The following NLRP14 variants were observed in gnomAD, a reference collection of about 807,000 sequenced individuals.
The protein encoded by NLRP14 is NACHT, LRR and PYD domains-containing protein 14.
NLRP14 carries 105 observed loss-of-function variants against 94.7 expected under a neutral mutation model. That is an observed-to-expected ratio of 1.11 (90% confidence interval 0.95 to 1.30). NLRP14 has a LOEUF of 1.30. Among genes scored for constraint, NLRP14 ranks in the 50% most tolerant of loss-of-function variants. NLRP14 has a pLI of 0.00. For synonymous variants in NLRP14, 508 were observed against 459.9 expected (o/e 1.10, Z -1.34); for missense variants, 1,362 against 1,254.1 (o/e 1.09, Z -1.30).
chr11:7,051,277 C>T (rs1025090105), intron 6 of NLRP14, among the ~76,000 whole-genome samples: 1 of 152,204 alleles, frequency 6.6e-6, no homozygotes, highest in East Asian at 1.9e-4. Context: ...GAGGAGCAAT[C>T]AATGGTCCTA....
Position 7,046,792 on chromosome 11 carries a change from C to A in NLRP14, c.2083C>A (p.His695Asn), listed in dbSNP as rs540063752. 1.9e-6 allele frequency: 3 copies of A among 1,613,716 alleles called. No individual in the cohort carries two copies. The highest frequency in any genetic ancestry group is 2.7e-5 in the African/African-American group (2 of 75,044). ...LDKSAMNILH[H>N]ELRHPNCKLQ... ...TAAATCAGCAATGAATATCCTGCAT[C>A]ATGAACTAAGGCACCCAAACTGTAA... is the stretch of plus-strand genomic sequence containing the variant. Residue 695 changes from histidine to asparagine, a missense_variant, in exon 5 of 12, where the codon CAT becomes AAT. Coordinates refer to ENST00000299481, the MANE Select transcript of NLRP14 (RefSeq NM_176822.4).
downstream of NLRP14, among the ~76,000 whole-genome samples, chr11:7,071,714 G>A (rs748004200): frequency 2.0e-5 from 3 of 150,370 alleles, no homozygotes; most frequent in South Asian, 2.1e-4. Context: ...CTCCATATGT[G>A]TTCTTGGGAT....
chr11:7,086,516 T>C, the NLRP14 span, among the ~76,000 whole-genome samples: 5 of 152,252 alleles, frequency 3.3e-5, no homozygotes, highest in Non-Finnish European at 7.3e-5. Context: ...GCAAATATAA[T>C]TAATATTGCT....
rs1852541052 is a variant in NLRP14 at position 7,057,829 on chromosome 11, G to A, written c.2444G>A (p.Cys815Tyr). Reference sequence around the variant, plus strand: ...TGTGAGGCCTTAAGACATCCAAAGTGTTATCTAGAGAGACTGTCGTGAGTG... The same window carrying A: ...TGTGAGGCCTTAAGACATCCAAAGTATTATCTAGAGAGACTGTCGTGAGTG... ...LLCEALRHPKCYLERLSLESC... is the reference protein window; with the variant it reads ...LLCEALRHPKYYLERLSLESC... Residue 815 changes from cysteine to tyrosine, a missense_variant, in exon 7 of 12, where the codon TGT (cysteine) becomes TAT (tyrosine). Transcript: ENST00000299481. 1.2e-6 allele frequency: 2 copies of A among 1,612,084 alleles called. No homozygotes were observed. The highest frequency in any genetic ancestry group is 1.7e-5 in the Admixed American group (1 of 59,914).
the NLRP14 span, chr11:7,089,381 G>A: frequency 5.0e-6 from 8 of 1,603,228 alleles, no homozygotes; most frequent in South Asian, 1.1e-5. Context: ...CCACCAAACC[G>A]GCGTTCGAGA....
In NLRP14 at chr11:7,021,372, C is replaced by T. The variant is rs557087214; in HGVS notation, c.-22+602C>T. ...TTAGCAGGGGTGGGTGGCCCAGCGC[C>T]TATCTGCTTGAGTTCACCACACAAT... On this transcript the variant is annotated intron_variant, in intron 1 of 11. Coordinates refer to ENST00000299481, the MANE Select transcript of NLRP14 (RefSeq NM_176822.4). 5.3e-5 allele frequency among the ~76,000 whole-genome samples: 8 copies of T among 152,298 alleles called. No homozygotes were observed. The East Asian group carries it at 1.5e-3, about 29-fold the overall frequency.
chr11:7,027,666 C>A (rs544672292), intron 1 of NLRP14, among the ~76,000 whole-genome samples: 1 of 152,232 alleles, frequency 6.6e-6, no homozygotes, highest in South Asian at 2.1e-4. Flanking sequence ...AGTCCATTGT[C>A]TTCAATTTTT....
chr11:7,088,378 C>A, the NLRP14 span, among the ~76,000 whole-genome samples: 1 of 152,120 alleles, frequency 6.6e-6, no homozygotes, highest in Non-Finnish European at 1.5e-5. Context: ...TATTACAGCT[C>A]AAGGCATGAT....
chr11:7,070,606 A>C, intron 11 of NLRP14, 150 bp downstream of exon 11: 1 of 619,166 alleles, frequency 1.6e-6, no homozygotes, highest in Non-Finnish European at 2.9e-6. Context: ...AGAACACTGA[A>C]TATTGAGAGA....
At chr11:7,044,041 T>A in intron 4 of NLRP14, 57 bp downstream of exon 4, 1 of 1,549,690 alleles carries the variant, frequency 6.5e-7, no homozygotes, top group African/African-American at 1.4e-5. Flanking sequence ...ACGTAGATAT[T>A]TGTCAGAGGG....
intron 1 of NLRP14, among the ~76,000 whole-genome samples, chr11:7,036,906 G>A (rs1254827493): frequency 4.6e-5 from 7 of 152,144 alleles, no homozygotes. Flanking sequence ...AGAAGTTGAA[G>A]ATCAAGAAGA....
At chr11:7,071,059 C>T in intron 11 of NLRP14, 114 bp from the exon 12 acceptor site, 1 of 1,152,554 alleles carries the variant, frequency 8.7e-7, no homozygotes, top group East Asian at 2.4e-5. Flanking sequence ...ATAATATTAT[C>T]TCTCTATTTT....
rs1267286085 is a variant in NLRP14 at position 7,042,816 on chromosome 11, C to T, written c.790C>T (p.Leu264=). 2 of 1,614,180 alleles carry T rather than the reference C, an allele frequency of 1.2e-6. No homozygotes were observed. Among genetic ancestry groups the T allele is most frequent in the Non-Finnish European group, 1.7e-6 (2 of 1,180,032 alleles). ...LLFIIDSFDE[L]NFAFEEPEFA... The stretch of plus-strand genomic sequence containing the variant: ...GTTTATTATTGACAGTTTCGATGAA[C>T]TGAACTTTGCCTTTGAAGAACCTGA... Residue 264 remains leucine (L), a synonymous_variant, in exon 4 of 12, where the codon CTG becomes TTG. Coordinates refer to ENST00000299481, the MANE Select transcript of NLRP14 (RefSeq NM_176822.4).
At chr11:7,075,056 A>G (rs1406185320), downstream of NLRP14, among the ~76,000 whole-genome samples, 1 of 152,144 alleles carries the variant, frequency 6.6e-6, no homozygotes. Context: ...GTTTCTGTTT[A>G]GCCTGTAGGG....
chr11:7,066,263 A>G (rs1237973600), intron 10 of NLRP14, among the ~76,000 whole-genome samples: 1 of 152,232 alleles, frequency 6.6e-6, no homozygotes, highest in Non-Finnish European at 1.5e-5. Flanking sequence ...TTCTGATTCT[A>G]GATCCTTGAG....
chr11:7,077,280 C>T, the NLRP14 span, among the ~76,000 whole-genome samples: 1 of 152,222 alleles, frequency 6.6e-6, no homozygotes, highest in South Asian at 2.1e-4. Flanking sequence ...CAATTCTGGT[C>T]TCCATCACCA....
intron 9 of NLRP14, 94 bp downstream of exon 9, chr11:7,060,158 A>G: frequency 8.9e-7 from 1 of 1,125,982 alleles, no homozygotes; most frequent in Middle Eastern, 2.6e-4. Context: ...CATCTATCAG[A>G]GAAAAGAATA....
intron 1 of NLRP14, among the ~76,000 whole-genome samples, chr11:7,023,499 TA>T (rs1442531382): frequency 7.1e-6 from 1 of 140,294 alleles, no homozygotes; most frequent in Non-Finnish European, 1.5e-5. Flanking sequence ...TATAAATATA[TA>T]AAAATTTATG....
At position 7,020,549 on chromosome 11, in the gene NLRP14, G is replaced by A. The variant is rs1161397016; in HGVS notation, c.-243G>A. 1 of 152,282 alleles carries A rather than the reference G, an allele frequency of 6.6e-6. No individual in the cohort carries two copies. The highest frequency in any genetic ancestry group is 2.4e-5 in the African/African-American group (1 of 41,456). The allele number at this position is 152,282 out of a possible 1,614,324, so 9.4% of individuals were successfully genotyped here. On this transcript the variant is annotated 5_prime_UTR_variant, in exon 1 of 12. Transcript: ENST00000299481. Reference sequence around the variant, plus strand: ...GGACGCACCAGCATTAATGGAATAGGAGAACTCCCGAAGCTTTTAGGGCCC... The same window carrying A: ...GGACGCACCAGCATTAATGGAATAGAAGAACTCCCGAAGCTTTTAGGGCCC...
Sources: allele counts gnomAD v4.1 joint callset (sites outside exome capture counted in the v4.1 genomes callset), GRCh38; gene constraint gnomAD v4.1.1; transcripts MANE v1.5; gene names NCBI Gene and HGNC (gene_info 2026-07-23, HGNC 2026-07-21).